Variants in RC3H2 observed in about 807,000 individuals in gnomAD.
The protein encoded by RC3H2 is ring finger and CCCH-type domains 2.
RC3H2 carries 31 observed loss-of-function variants against 133.3 expected under a neutral mutation model. The ratio of observed to expected loss-of-function variants is 0.23; its 90% CI spans 0.17 to 0.31. RC3H2 has a LOEUF of 0.31. Among genes scored for constraint, RC3H2 ranks in the 10% least tolerant of loss-of-function variants. The pLI is 1.00. For synonymous variants in RC3H2, 517 were observed against 502.2 expected, an observed-to-expected ratio of 1.03 and a Z score of -0.40; for missense variants, 1,175 against 1,437.2, an observed-to-expected ratio of 0.82 and a Z score of 2.95.
intron 11 of RC3H2, 58 bp downstream of exon 11, chr9:122,859,859 C>A: frequency 7.5e-7 from 1 of 1,333,302 alleles, no homozygotes; most frequent in Non-Finnish European, 1.1e-6. Flanking sequence ...ACTATTCATT[C>A]ATTTATCTAA....
rs72753237 is a variant in RC3H2, at chr9:122,859,188, T to C, written c.1850-86A>G. The stretch of plus-strand genomic sequence containing the variant: ...GGCTTAAATCTAAGGCAGCCCTTAA[T>C]GTAGGAAAATATAATAAGCTTTGAA... On this transcript the variant is annotated intron_variant, in intron 11 of 20. Transcript: ENST00000357244. 9,756 of 1,093,288 alleles carry C rather than the reference T, an allele frequency of 8.9e-3. 66 individuals are homozygous for C. Among genetic ancestry groups the C allele is most frequent in the Non-Finnish European group, 0.011 (8,561 of 788,774 alleles). The allele number at this position is 1,093,288 out of a possible 1,614,324, so 67.7% of individuals were successfully genotyped here.
rs751346053 is a variant in RC3H2 at position 122,858,915 on chromosome 9, C to T, written c.2037G>A (p.Pro679=). 7.7e-5 allele frequency: 125 copies of T among 1,614,044 alleles called. No individual in the cohort carries two copies. The highest frequency in any genetic ancestry group is 5.3e-4 in the Admixed American group (32 of 60,008). The change falls in exon 12 of 21, where the codon CCG becomes CCA. Residue 679 remains proline (P), a synonymous_variant. Coordinates refer to ENST00000357244, the MANE Select transcript of RC3H2 (RefSeq NM_001100588.3). The part of the protein sequence containing the change: ...SSPYQPPPPQ[P]YGPVPPVPSG... Reference sequence around the variant, plus strand: ...AAGGTACTGGAGGAACTGGTCCATACGGCTGCGGAGGAGGAGGCTGGTAAG... The same window carrying T: ...AAGGTACTGGAGGAACTGGTCCATATGGCTGCGGAGGAGGAGGCTGGTAAG...
Position 122,855,171 on chromosome 9 carries a change from C to T in RC3H2, c.2815+13G>A. On this transcript the variant is annotated intron_variant, in intron 15 of 20. Coordinates refer to ENST00000357244, the MANE Select transcript of RC3H2 (RefSeq NM_001100588.3). ...TAGAACATATCAGGCTAGGTATTAT[C>T]TAAATGGATTACCTGATACACTGAT... 1 of 1,498,346 alleles carries T rather than the reference C, an allele frequency of 6.7e-7. No homozygotes were observed. The highest frequency in any genetic ancestry group is 1.1e-5 in the South Asian group (1 of 88,598). 92.8% of individuals were successfully genotyped at this position (1,498,346 alleles called of 1,614,324 possible).
Position 122,846,338 on chromosome 9 carries a change from T to C in RC3H2, c.*3289A>G, listed in dbSNP as rs1376617608. ...AATCAGTGCCACTGGCCTAATGAAC[T>C]CCCTTTTTTTTGAAAATTACAATGC... On this transcript the variant is annotated 3_prime_UTR_variant, in exon 21 of 21. Coordinates refer to ENST00000357244, the MANE Select transcript of RC3H2 (RefSeq NM_001100588.3). 1 of 152,162 alleles carries C rather than the reference T, an allele frequency of 6.6e-6. No individual in the cohort carries two copies. Among genetic ancestry groups the C allele is most frequent in the Non-Finnish European group, 1.5e-5 (1 of 68,002 alleles). The allele number at this position is 152,162 out of a possible 1,614,324, so 9.4% of individuals were successfully genotyped here. A position where few individuals can be genotyped will look rare whatever the true frequency, so the allele number is the denominator to read the frequency against.
chr9:122,893,034 A>G lies in RC3H2; in HGVS notation c.232-8T>C. 6.3e-7 allele frequency: 1 copy of G among 1,592,700 alleles called. No homozygotes were observed. The highest frequency in any genetic ancestry group is 8.5e-7 in the Non-Finnish European group (1 of 1,174,360). ...TGACTGATGATCTGGTACCTTAAAAAAAAAAAAAAAGGAATATTGCAGAAA... is the reference window on the plus strand; with the variant it reads ...TGACTGATGATCTGGTACCTTAAAAGAAAAAAAAAAGGAATATTGCAGAAA... On this transcript the variant is annotated splice_region_variant and splice_polypyrimidine_tract_variant and intron_variant, in intron 2 of 20. Coordinates refer to ENST00000357244, the MANE Select transcript of RC3H2 (RefSeq NM_001100588.3).
intron 4 of RC3H2, among the ~76,000 whole-genome samples, chr9:122,886,403 T>A (rs1487513827): frequency 6.6e-6 from 1 of 152,240 alleles, no homozygotes; most frequent in Non-Finnish European, 1.5e-5. Flanking sequence ...TGTTTTCTAT[T>A]CTTTTGGGTA....
chr9:122,866,838 A>G (rs1830701551), intron 9 of RC3H2, among the ~76,000 whole-genome samples: 1 of 149,008 alleles, frequency 6.7e-6, no homozygotes, highest in Non-Finnish European at 1.5e-5. Flanking sequence ...CCGTCTGGGA[A>G]GTGAGGAGCG....
intron 9 of RC3H2, among the ~76,000 whole-genome samples, chr9:122,868,630 GGAAAA>G (rs1830867660): frequency 6.6e-6 from 1 of 151,918 alleles, no homozygotes; most frequent in Non-Finnish European, 1.5e-5. Flanking sequence ...CCTCTGCCTA[GGAAAA>G]CCAGAGACCT....
At chr9:122,855,946 A>G in intron 13 of RC3H2, 68 bp from the exon 14 acceptor site, 2 of 1,291,418 alleles carry the variant, frequency 1.5e-6, no homozygotes, top group Non-Finnish European at 2.1e-6. Flanking sequence ...TAACTAATAT[A>G]AAGTAACTAT....
chr9:122,888,934 C>A (rs1181660747), intron 4 of RC3H2, among the ~76,000 whole-genome samples: 1 of 152,162 alleles, frequency 6.6e-6, no homozygotes, highest in Non-Finnish European at 1.5e-5. Context: ...TTTGCATGCC[C>A]ATGACTACTG....
chr9:122,886,322 T>C (rs1010725310), intron 4 of RC3H2, among the ~76,000 whole-genome samples: 45 of 152,366 alleles, frequency 3.0e-4, no homozygotes, highest in African/African-American at 7.9e-4. Context: ...ACATTCGGAT[T>C]GTTTCCACCT....
rs554337978 is a variant in RC3H2, at chr9:122,862,967, G to A, written c.1634+2382C>T. 9.9e-5 allele frequency among the ~76,000 whole-genome samples: 15 copies of A among 151,776 alleles called. No individual in the cohort carries two copies. The South Asian group carries it at 3.1e-3, about 32-fold the overall frequency. The stretch of plus-strand genomic sequence containing the variant: ...ATTGAGATACAGTTCATTATTTTAG[G>A]GTGTACAATTCAGTAATTTTTAGTA... On this transcript the variant is annotated intron_variant, in intron 10 of 20. Transcript: ENST00000357244.
At chr9:122,869,714 C>T (rs569566324) in intron 9 of RC3H2, among the ~76,000 whole-genome samples, 12 of 151,956 alleles carry the variant, frequency 7.9e-5, no homozygotes, top group African/African-American at 2.2e-4. Flanking sequence ...TATAGGCGCG[C>T]GCCTGCCAAC....
intron 9 of RC3H2, among the ~76,000 whole-genome samples, chr9:122,871,508 G>A (rs1564298949): frequency 8.0e-6 from 1 of 125,098 alleles, no homozygotes; most frequent in Non-Finnish European, 1.7e-5. Context: ...CGTGTTAGTG[G>A]GGGGGGGGGT....
At position 122,865,478 on chromosome 9, in the gene RC3H2, C is replaced by G. The variant is rs1260202916; in HGVS notation, c.1505G>C (p.Ser502Thr). ...STNGISNAEN[S>T]VSQLISRSTD... ...ACTACGTGAGATTAGCTGGGAAACA[C>G]TGTTTTCTGCATTTGAAATTCCGTT... The change falls in exon 10 of 21, where the codon AGT (serine) becomes ACT (threonine). Residue 502 changes from serine (S) to threonine (T), a missense_variant. Physicochemically the swap from Ser to Thr is moderately conservative, Grantham distance 58 (BLOSUM62 1). Coordinates refer to ENST00000357244, the MANE Select transcript of RC3H2 (RefSeq NM_001100588.3). 1 of 1,614,198 alleles carries G rather than the reference C, an allele frequency of 6.2e-7. No individual in the cohort carries two copies. The highest frequency in any genetic ancestry group is 1.1e-5 in the South Asian group (1 of 91,082).
intron 18 of RC3H2, among the ~76,000 whole-genome samples, chr9:122,853,191 A>C (rs3860992): frequency 0.069 from 10,430 of 151,564 alleles, 407 homozygotes; most frequent in African/African-American, 0.092. Context: ...CAGCATGCTC[A>C]TTAAGAGTCA....
intron 1 of RC3H2, among the ~76,000 whole-genome samples, chr9:122,902,252 T>A (rs74938199): frequency 0.019 from 2,950 of 152,236 alleles, 206 homozygotes; most frequent in Admixed American, 0.13. Flanking sequence ...TTAACAAGTA[T>A]AACTAATATT....
chr9:122,892,557 G>A (rs1832228104), intron 3 of RC3H2, among the ~76,000 whole-genome samples: 1 of 152,078 alleles, frequency 6.6e-6, no homozygotes, highest in Non-Finnish European at 1.5e-5. Flanking sequence ...AACTACAGGT[G>A]CCTGCCAAGA....
Position 122,879,889 on chromosome 9 carries a change from A to G in RC3H2, c.1094-16T>C, listed in dbSNP as rs1420010462. The G allele has an allele frequency of 1.9e-6, 3 of 1,612,992 alleles. No homozygotes were observed. In the Admixed American group the frequency reaches 5.0e-5, roughly 27 times the overall value. ...GAAACAGCGTCTAAAATAAGCCACC[A>G]AGGGCATGGGGGTTGGGGGGGAAGA... On this transcript the variant is annotated splice_polypyrimidine_tract_variant and intron_variant, in intron 7 of 20. Coordinates refer to ENST00000357244, the MANE Select transcript of RC3H2 (RefSeq NM_001100588.3).
Sources: allele counts gnomAD v4.1 joint callset (sites outside exome capture counted in the v4.1 genomes callset), GRCh38; gene constraint gnomAD v4.1.1; transcripts MANE v1.5; gene names NCBI Gene and HGNC (gene_info 2026-07-23, HGNC 2026-07-21).